CC2D2B: variants seen among roughly 807,000 people sequenced by gnomAD.
The protein encoded by CC2D2B is protein CC2D2B.
A neutral mutation model predicts 161.2 loss-of-function variants in CC2D2B; 128 were observed. That is an observed-to-expected ratio of 0.79 (90% confidence interval 0.69 to 0.92). CC2D2B has a LOEUF of 0.92. CC2D2B is among the 40% of genes least tolerant of loss of function. The pLI is 0.00. For synonymous variants in CC2D2B, 391 were observed against 449.8 expected (o/e 0.87, Z 1.65); for missense variants, 1,173 against 1,375.1 (o/e 0.85, Z 2.32).
chr10:96,029,241 C>CATATATATATATAT (rs56195141), intron 34 of CC2D2B, among the ~76,000 whole-genome samples: 6 of 67,162 alleles, frequency 8.9e-5, no homozygotes, highest in Non-Finnish European at 1.4e-4. Flanking sequence ...TTTCATGTAC[C>CATATATATATATAT]ATATATATAT....
At chr10:95,917,030 C>T (rs540536873) in intron 2 of CC2D2B, among the ~76,000 whole-genome samples, 25 of 152,222 alleles carry the variant, frequency 1.6e-4, no homozygotes, top group Non-Finnish European at 2.6e-4. Flanking sequence ...TCTATCTCTC[C>T]GTTTAGCTCT....
chr10:95,917,458 C>A (rs563623904), intron 2 of CC2D2B, among the ~76,000 whole-genome samples: 153 of 152,036 alleles, frequency 1.0e-3, no homozygotes, highest in South Asian at 1.5e-3. Flanking sequence ...TCCTTCCTTC[C>A]ATCCGTCCGT....
chr10:96,027,191 A>G, intron 33 of CC2D2B, 21 bp from the exon 34 acceptor site: 1 of 1,466,210 alleles, frequency 6.8e-7, no homozygotes, highest in Non-Finnish European at 9.1e-7. Flanking sequence ...TCATAAAATT[A>G]CCTTTGGATT....
At chr10:95,925,380 G>C (rs1456895512) in intron 5 of CC2D2B, among the ~76,000 whole-genome samples, 3 of 152,166 alleles carry the variant, frequency 2.0e-5, no homozygotes, top group Non-Finnish European at 4.4e-5. Context: ...ACACTGAATT[G>C]GGTTTGGTTT....
upstream of CC2D2B, chr10:95,907,691 G>A (rs1039478806): frequency 8.5e-5 from 13 of 152,678 alleles, no homozygotes; most frequent in African/African-American, 2.9e-4. Context: ...TTCTTCACCA[G>A]GACGAGAGGG....
chr10:95,947,800 T>A (rs2076275585), intron 9 of CC2D2B, among the ~76,000 whole-genome samples: 1 of 151,832 alleles, frequency 6.6e-6, no homozygotes, highest in South Asian at 2.1e-4. Flanking sequence ...ATCTTCCATA[T>A]GATCTAAAGC....
intron 9 of CC2D2B, among the ~76,000 whole-genome samples, chr10:95,943,818 A>G (rs2076102817): frequency 6.6e-6 from 1 of 152,238 alleles, no homozygotes; most frequent in Non-Finnish European, 1.5e-5. Context: ...CTACATTATT[A>G]TATATGAAAA....
chr10:96,027,791 C>T (rs2079846711), intron 34 of CC2D2B, among the ~76,000 whole-genome samples: 1 of 152,128 alleles, frequency 6.6e-6, no homozygotes, highest in Non-Finnish European at 1.5e-5. Context: ...GGCATTAAAA[C>T]ATAGACCAAT....
chr10:95,952,457 C>T (rs994075821), intron 10 of CC2D2B: 7 of 152,170 alleles, frequency 4.6e-5, no homozygotes, highest in African/African-American at 1.7e-4. Flanking sequence ...TTGAGTACAT[C>T]CTTAAAGTTC....
At chr10:96,005,716 G>A (rs147081467) in intron 25 of CC2D2B, among the ~76,000 whole-genome samples, 29 of 152,054 alleles carry the variant, frequency 1.9e-4, no homozygotes, top group Admixed American at 3.3e-4. Context: ...TATTTCTAAC[G>A]CTTGGCATGA....
At chr10:96,005,136 G>C (rs1029627289) in intron 25 of CC2D2B, among the ~76,000 whole-genome samples, 1 of 152,230 alleles carries the variant, frequency 6.6e-6, no homozygotes, top group Non-Finnish European at 1.5e-5. Context: ...AAACTGAGTA[G>C]TGTTTTGATG....
chr10:95,949,670 T>TA (rs59101408), intron 9 of CC2D2B, among the ~76,000 whole-genome samples: 4,555 of 144,204 alleles, frequency 0.032, 93 homozygotes, highest in South Asian at 0.084. Flanking sequence ...AAAAAAAAAT[T>TA]AAAAAAAAAA....
At chr10:95,958,437 A>G (rs1275392498) in intron 11 of CC2D2B, among the ~76,000 whole-genome samples, 1 of 152,220 alleles carries the variant, frequency 6.6e-6, no homozygotes, top group Non-Finnish European at 1.5e-5. Context: ...GCTTGCAGTG[A>G]GCTGAGATTG....
intron 28 of CC2D2B, among the ~76,000 whole-genome samples, chr10:96,012,998 G>C (rs77828065): frequency 0.025 from 3,875 of 152,216 alleles, 84 homozygotes; most frequent in African/African-American, 0.049. Context: ...GGAGGTAATA[G>C]TGCTCTCAGA....
intron 9 of CC2D2B, among the ~76,000 whole-genome samples, chr10:95,946,947 T>G (rs143103453): frequency 6.6e-6 from 1 of 150,978 alleles, no homozygotes; most frequent in Non-Finnish European, 1.5e-5. Context: ...TTATCAGGAG[T>G]GGCTAGGCAT....
At chr10:95,975,886 T>C (rs2077295096) in intron 17 of CC2D2B, among the ~76,000 whole-genome samples, 1 of 152,178 alleles carries the variant, frequency 6.6e-6, no homozygotes, top group Admixed American at 6.5e-5. Flanking sequence ...AACTATTATT[T>C]TGTTATATTT....
chr10:96,019,315 A>T lies in CC2D2B; in HGVS notation c.3743A>T (p.Asp1248Val). ...FDPFCPLKSVDCLFDDRNVWF... is the reference protein window; with the variant it reads ...FDPFCPLKSVVCLFDDRNVWF... The stretch of plus-strand genomic sequence containing the variant: ...CCGTTTTGTCCCTTAAAAAGTGTAG[A>T]TTGTTTGTTTGATGATAGAAATGTA... Residue 1248 changes from aspartate (D) to valine (V), a missense_variant, in exon 31 of 35, where the codon GAT (aspartate) becomes GTT (valine). Physicochemically the swap from Asp to Val is radical, Grantham distance 152. This residue lies in a region of CC2D2B where 598 missense variants were observed against 693.2 expected (regional missense o/e 0.86). Coordinates refer to ENST00000646931, the MANE Select transcript of CC2D2B (RefSeq NM_001349008.3). 6.2e-7 allele frequency: 1 copy of T among 1,610,132 alleles called. No individual in the cohort carries two copies. Among genetic ancestry groups the T allele is most frequent in the South Asian group, 1.1e-5 (1 of 89,916 alleles).
chr10:95,997,203 T>C (rs2078265183), intron 24 of CC2D2B, among the ~76,000 whole-genome samples: 1 of 152,254 alleles, frequency 6.6e-6, no homozygotes, highest in Non-Finnish European at 1.5e-5. Flanking sequence ...TTGTATTCTG[T>C]TGTATAAAAA....
chr10:95,930,745 G>A (rs902833227), intron 6 of CC2D2B, among the ~76,000 whole-genome samples: 3 of 152,234 alleles, frequency 2.0e-5, no homozygotes, highest in East Asian at 1.9e-4. Context: ...CCCACTGATC[G>A]TGGTGGATAA....
Sources: allele counts gnomAD v4.1 joint callset (sites outside exome capture counted in the v4.1 genomes callset), GRCh38; gene constraint gnomAD v4.1.1; regional missense constraint gnomAD v4.1.1; transcripts MANE v1.5; gene names NCBI Gene and HGNC (gene_info 2026-07-23, HGNC 2026-07-21).